The following WWOX variants were observed in gnomAD, a reference collection of about 807,000 sequenced individuals.
WWOX encodes WW domain containing oxidoreductase, also known as WW domain-containing oxidoreductase.
A neutral mutation model predicts 46.2 loss-of-function variants in WWOX; 69 were observed. That is an observed-to-expected ratio of 1.49 (90% CI 1.23 to 1.82). The LOEUF (loss-of-function observed/expected upper bound fraction) is 1.82. Among genes scored for constraint, WWOX ranks in the 40% most tolerant of loss-of-function variants. The pLI, the probability that WWOX is intolerant of heterozygous loss-of-function variation, is 0.00. For synonymous variants in WWOX, 359 were observed against 202.6 expected (o/e 1.77, Z -6.56); for missense variants, 919 against 542.6 (o/e 1.69, Z -6.89).
chr16:79,031,979 C>T (rs1358804994), intron 8 of WWOX, among the ~76,000 whole-genome samples: 10 of 141,822 alleles, frequency 7.1e-5, no homozygotes, highest in Non-Finnish European at 1.1e-4. Context: ...GGGAACTGAA[C>T]GGGATGCTTT....
At chr16:78,950,651 T>C (rs374662721) in intron 8 of WWOX, among the ~76,000 whole-genome samples, 3 of 152,082 alleles carry the variant, frequency 2.0e-5, no homozygotes, top group African/African-American at 7.2e-5. Context: ...GGTAAGAATT[T>C]TGAGGTGGAA....
chr16:78,492,704 C>G lies in WWOX; in HGVS notation c.1056+59952C>G, dbSNP rs140991935. Among the ~76,000 whole-genome samples the G allele has an allele frequency of 1.9e-3, 282 of 152,294 alleles. 1 individual carries two copies. The highest frequency in any genetic ancestry group is 6.5e-3 in the African/African-American group (272 of 41,554). On this transcript the variant is annotated intron_variant, in intron 8 of 8. Coordinates refer to ENST00000566780, the MANE Select transcript of WWOX (RefSeq NM_016373.4). The stretch of plus-strand genomic sequence containing the variant: ...TGGTGCTTATGTGCTCTGGATAATT[C>G]TCAATGACTTTCAAAGTTATGATTC...
intron 8 of WWOX, among the ~76,000 whole-genome samples, chr16:78,807,444 G>A (rs984364507): frequency 6.6e-6 from 1 of 152,172 alleles, no homozygotes. Flanking sequence ...TCCATTAATC[G>A]CTGAATCATG....
chr16:79,128,558 A>C (rs1258057938), intron 8 of WWOX, among the ~76,000 whole-genome samples: 1 of 152,166 alleles, frequency 6.6e-6, no homozygotes, highest in Admixed American at 6.5e-5. Flanking sequence ...GACCCAGGTT[A>C]ACTTTAAATC....
chr16:78,399,678 G>A (rs543544765), intron 6 of WWOX, among the ~76,000 whole-genome samples: 1 of 152,140 alleles, frequency 6.6e-6, no homozygotes, highest in Non-Finnish European at 1.5e-5. Context: ...TTGGAAAAAG[G>A]GTTTGAGTTT....
At chr16:78,149,118 A>C (rs2034310727) in intron 4 of WWOX, among the ~76,000 whole-genome samples, 1 of 151,934 alleles carries the variant, frequency 6.6e-6, no homozygotes, top group African/African-American at 2.4e-5. Flanking sequence ...TGGCCTCCTA[A>C]AGTGCTGGGA....
rs568132290 is a variant in WWOX, at chr16:79,176,286, C to T, written c.1057-35322C>T. 1.1e-3 allele frequency among the ~76,000 whole-genome samples: 171 copies of T among 152,326 alleles called. 1 individual carries two copies. The highest frequency in any genetic ancestry group is 1.8e-3 in the Non-Finnish European group (122 of 68,036). On this transcript the variant is annotated intron_variant, in intron 8 of 8. Transcript: ENST00000566780. ...GTGACTCAGGGATCCAGGCTGCAGC[C>T]ACTTAGTGGTTCCATTCTCCCTGCT...
intron 8 of WWOX, among the ~76,000 whole-genome samples, chr16:78,574,250 A>G (rs182993139): frequency 2.6e-5 from 4 of 152,302 alleles, no homozygotes; most frequent in South Asian, 2.1e-4. Flanking sequence ...CAATGTAATC[A>G]TGGAAGCCAT....
intron 5 of WWOX, among the ~76,000 whole-genome samples, chr16:78,309,626 C>T (rs2080201291): frequency 6.6e-6 from 1 of 152,194 alleles, no homozygotes; most frequent in Non-Finnish European, 1.5e-5. Context: ...TCCCAGGACC[C>T]CTTGAGACTG....
chr16:78,964,318 A>C (rs1280785824), intron 8 of WWOX, among the ~76,000 whole-genome samples: 1 of 152,220 alleles, frequency 6.6e-6, no homozygotes, highest in African/African-American at 2.4e-5. Context: ...CAATATGGAC[A>C]ATAATGTCCA....
At chr16:79,003,399 C>A (rs905194979) in intron 8 of WWOX, among the ~76,000 whole-genome samples, 3 of 152,186 alleles carry the variant, frequency 2.0e-5, no homozygotes, top group East Asian at 1.9e-4. Flanking sequence ...CCCATTATCA[C>A]CGTGAGGCCT....
At chr16:78,942,820 G>A (rs113995790) in intron 8 of WWOX, among the ~76,000 whole-genome samples, 1,683 of 152,260 alleles carry the variant, frequency 0.011, 40 homozygotes, top group African/African-American at 0.039. Context: ...TGGTTTCCCG[G>A]AAGGGATGAA....
intron 5 of WWOX, among the ~76,000 whole-genome samples, chr16:78,328,610 G>T (rs771843541): frequency 6.6e-6 from 1 of 152,182 alleles, no homozygotes; most frequent in Non-Finnish European, 1.5e-5. Context: ...AAGATCGAAT[G>T]TGGAAATTAG....
chr16:78,702,007 TTATATATATA>T lies in WWOX; in HGVS notation c.1056+269284_1056+269293del, dbSNP rs869227421. On this transcript the variant is annotated intron_variant, in intron 8 of 8. Coordinates refer to ENST00000566780, the MANE Select transcript of WWOX (RefSeq NM_016373.4). ...GGAGACTAGCCTGGGCTACATAAAATTATATATATATATATATATATATATATATATATAT... is the reference window on the plus strand; with the variant it reads ...GGAGACTAGCCTGGGCTACATAAAATTATATATATATATATATATATATAT... 2.3e-3 allele frequency among the ~76,000 whole-genome samples: 134 copies of T among 57,624 alleles called. 3 individuals carry two copies. The East Asian group carries it at 0.034, about 15-fold the overall frequency. The allele number at this position is 57,624 out of a possible 152,430, so 37.8% of individuals were successfully genotyped here. A position where few individuals can be genotyped will look rare whatever the true frequency, so the allele number is the denominator to read the frequency against.
At chr16:78,445,901 G>GT (rs2083549375) in intron 8 of WWOX, among the ~76,000 whole-genome samples, 1 of 143,046 alleles carries the variant, frequency 7.0e-6, no homozygotes, top group Non-Finnish European at 1.5e-5. Context: ...GGGCAGGGGA[G>GT]GGGGGAAAGA....
At chr16:78,609,424 A>G (rs575049468) in intron 8 of WWOX, among the ~76,000 whole-genome samples, 32 of 152,268 alleles carry the variant, frequency 2.1e-4, no homozygotes, top group African/African-American at 7.0e-4. Context: ...TCTTGCTTTT[A>G]AAGCGATAGT....
chr16:78,783,132 C>G (rs2050371797), intron 8 of WWOX, among the ~76,000 whole-genome samples: 1 of 152,174 alleles, frequency 6.6e-6, no homozygotes, highest in Non-Finnish European at 1.5e-5. Context: ...AAAACCAAAA[C>G]AAAACAAAAG....
intron 8 of WWOX, among the ~76,000 whole-genome samples, chr16:78,792,401 C>T (rs957545871): frequency 3.9e-5 from 6 of 152,114 alleles, no homozygotes; most frequent in East Asian, 1.9e-4. Context: ...ATAAAAAGCT[C>T]GGAGATGGCT....
chr16:78,730,006 G>T (rs1385817757), intron 8 of WWOX, among the ~76,000 whole-genome samples: 1 of 152,074 alleles, frequency 6.6e-6, no homozygotes, highest in East Asian at 1.9e-4. Context: ...CATCATCCTT[G>T]TGTTACTTCC....
Sources: gnomAD v4.1 joint callset for allele counts (sites outside exome capture counted in the v4.1 genomes callset) on GRCh38, gnomAD v4.1.1 for gene constraint, MANE v1.5 for transcripts, NCBI Gene and HGNC (gene_info 2026-07-23, HGNC 2026-07-21) for gene names.